Variants in RFX3 observed in about 807,000 individuals in gnomAD.
RFX3 encodes regulatory factor X3, also known as transcription factor RFX3.
Under a neutral mutation model 98.6 loss-of-function variants are expected in RFX3, and 14 were observed. The ratio of observed to expected loss-of-function variants is 0.14; its 90% CI spans 0.09 to 0.22. RFX3 has a LOEUF of 0.22. RFX3 is among the 10% of genes least tolerant of loss of function. The pLI, the probability that RFX3 is intolerant of heterozygous loss-of-function variation, is 1.00. For missense variants in RFX3, 639 were observed against 926.9 expected (o/e 0.69, Z 4.03); for synonymous variants, 383 against 328.4 (o/e 1.17, Z -1.80).
At chr9:3,357,948 A>T (rs938757660) in intron 2 of RFX3, among the ~76,000 whole-genome samples, 1 of 151,996 alleles carries the variant, frequency 6.6e-6, no homozygotes, top group Non-Finnish European at 1.5e-5. Context: ...TATTTCTTTC[A>T]TTTTGCTCTC....
At chr9:3,427,892 C>A (rs544578745) in intron 1 of RFX3, among the ~76,000 whole-genome samples, 1 of 152,026 alleles carries the variant, frequency 6.6e-6, no homozygotes, top group Non-Finnish European at 1.5e-5. Context: ...TCTGGTGCCC[C>A]GCTCCAGATT....
chr9:3,252,732 G>C (rs973814529), intron 14 of RFX3, among the ~76,000 whole-genome samples: 1 of 152,120 alleles, frequency 6.6e-6, no homozygotes, highest in Admixed American at 6.5e-5. Context: ...GGAAACTTTT[G>C]GATGGTTAGG....
At position 3,438,832 on chromosome 9, in the gene RFX3, G is replaced by A. The variant is rs773702731; in HGVS notation, c.-8-43236C>T. 1.1e-4 allele frequency among the ~76,000 whole-genome samples: 17 copies of A among 151,956 alleles called. No individual in the cohort carries two copies. In the East Asian group the frequency reaches 1.5e-3, roughly 14 times the overall value. On this transcript the variant is annotated intron_variant, in intron 1 of 16. Coordinates refer to ENST00000617270, the MANE Select transcript of RFX3 (RefSeq NM_001282116.2). ...GATAAAGTGATCAATTCATCAAGACGACATAATAATTTTAAATGATTATGC... is the reference window on the plus strand; with the variant it reads ...GATAAAGTGATCAATTCATCAAGACAACATAATAATTTTAAATGATTATGC...
At chr9:3,417,378 C>T (rs1296128345) in intron 1 of RFX3, among the ~76,000 whole-genome samples, 1 of 151,868 alleles carries the variant, frequency 6.6e-6, no homozygotes, top group Admixed American at 6.6e-5. Context: ...GAATATATAC[C>T]CTTCTCAAGT....
At chr9:3,422,906 A>G (rs535716263) in intron 1 of RFX3, among the ~76,000 whole-genome samples, 1 of 152,174 alleles carries the variant, frequency 6.6e-6, no homozygotes, top group Non-Finnish European at 1.5e-5. Context: ...ATGGAGCTAT[A>G]TTTAAAAAAA....
chr9:3,463,853 G>A (rs1251433516), intron 1 of RFX3, among the ~76,000 whole-genome samples: 2 of 151,998 alleles, frequency 1.3e-5, no homozygotes, highest in African/African-American at 2.4e-5. Flanking sequence ...ACACGCCTAC[G>A]GTCCCAGCTC....
Position 3,326,515 on chromosome 9 carries a change from G to T in RFX3, c.474+3744C>A, listed in dbSNP as rs141893160. On this transcript the variant is annotated intron_variant, in intron 4 of 16. Coordinates refer to ENST00000617270, the MANE Select transcript of RFX3 (RefSeq NM_001282116.2). The stretch of plus-strand genomic sequence containing the variant: ...TCTACCCTCCTCTAAAGCCCAGTGT[G>T]TGCTGTTCCCCTCTATGTGTCCATG... Among the ~76,000 whole-genome samples the T allele has an allele frequency of 6.5e-3, 983 of 152,194 alleles. 8 individuals carry two copies. The highest frequency in any genetic ancestry group is 0.027 in the Middle Eastern group (8 of 294).
intron 1 of RFX3, among the ~76,000 whole-genome samples, chr9:3,489,936 G>T (rs529579434): frequency 6.6e-6 from 1 of 152,216 alleles, no homozygotes; most frequent in African/African-American, 2.4e-5. Context: ...GGCAGGATTG[G>T]TTGGGATGGG....
At chr9:3,228,072 C>T (rs1234183774) in intron 16 of RFX3, among the ~76,000 whole-genome samples, 1 of 152,120 alleles carries the variant, frequency 6.6e-6, no homozygotes, top group East Asian at 1.9e-4. Context: ...TCCCACCCTC[C>T]GCCACCTTTT....
intron 1 of RFX3, among the ~76,000 whole-genome samples, chr9:3,514,415 G>GA (rs1261335915): frequency 6.6e-6 from 1 of 152,076 alleles, no homozygotes; most frequent in Non-Finnish European, 1.5e-5. Flanking sequence ...CACTCTAATT[G>GA]AAAAGTAATT....
intron 1 of RFX3, chr9:3,524,427 T>G (rs1047337638): frequency 1.5e-6 from 1 of 665,114 alleles, no homozygotes; most frequent in African/African-American, 2.0e-5. Flanking sequence ...AAAGAATATG[T>G]TAAGTACACA....
chr9:3,509,704 T>A (rs1817473563), intron 1 of RFX3, among the ~76,000 whole-genome samples: 1 of 152,014 alleles, frequency 6.6e-6, no homozygotes, highest in African/African-American at 2.4e-5. Context: ...TGCAGATTTA[T>A]AAAACTTGCT....
chr9:3,218,639 T>C lies in RFX3; in HGVS notation c.*6403A>G, dbSNP rs916985321. ...TACGTATTTACAAAATCAAATACAT[T>C]ATACAAAAAACCATCACATGTTATT... On this transcript the variant is annotated 3_prime_UTR_variant, in exon 17 of 17. Coordinates refer to ENST00000617270, the MANE Select transcript of RFX3 (RefSeq NM_001282116.2). 1.3e-5 allele frequency: 2 copies of C among 152,174 alleles called. No homozygotes were observed. Among genetic ancestry groups the C allele is most frequent in the Non-Finnish European group, 2.9e-5 (2 of 68,012 alleles). 9.4% of individuals were successfully genotyped at this position (152,174 alleles called of 1,614,324 possible).
chr9:3,391,295 G>C (rs1484925023), intron 2 of RFX3, among the ~76,000 whole-genome samples: 2 of 151,860 alleles, frequency 1.3e-5, no homozygotes, highest in East Asian at 3.9e-4. Context: ...GAATATACTG[G>C]GGAGCTTCAA....
chr9:3,435,171 A>G (rs1316998040), intron 1 of RFX3, among the ~76,000 whole-genome samples: 1 of 152,036 alleles, frequency 6.6e-6, no homozygotes, highest in East Asian at 1.9e-4. Context: ...GACTTTATAA[A>G]CACTGTATAA....
At chr9:3,490,390 A>AT (rs1850638752) in intron 1 of RFX3, 2 of 689,054 alleles carry the variant, frequency 2.9e-6, no homozygotes, top group South Asian at 1.3e-4. Context: ...TTAAAAATGA[A>AT]TTTTTTGATA....
intron 7 of RFX3, among the ~76,000 whole-genome samples, chr9:3,285,914 C>T (rs1397589186): frequency 6.6e-6 from 1 of 151,562 alleles, no homozygotes; most frequent in African/African-American, 2.4e-5. Context: ...CATGAGGAGA[C>T]CACAGAAAGT....
At chr9:3,512,290 G>C (rs564694410) in intron 1 of RFX3, among the ~76,000 whole-genome samples, 42 of 151,998 alleles carry the variant, frequency 2.8e-4, no homozygotes, top group African/African-American at 7.9e-4. Flanking sequence ...AAATTATATA[G>C]CTTTAGAGCA....
intron 15 of RFX3, chr9:3,247,321 G>A (rs1306577143): frequency 9.1e-6 from 9 of 986,978 alleles, no homozygotes; most frequent in Non-Finnish European, 1.1e-5. Flanking sequence ...CTGAAGAAGA[G>A]AATTTTCCCC....
Sources: gnomAD v4.1 joint callset for allele counts (sites outside exome capture counted in the v4.1 genomes callset) on GRCh38, gnomAD v4.1.1 for gene constraint, MANE v1.5 for transcripts, NCBI Gene and HGNC (gene_info 2026-07-23, HGNC 2026-07-21) for gene names.